XPO4: variants seen among roughly 807,000 people sequenced by gnomAD.
The protein encoded by XPO4 is exportin 4.
A neutral mutation model predicts 143.0 loss-of-function variants in XPO4; 39 were observed. The ratio of observed to expected loss-of-function variants is 0.27; its 90% CI spans 0.21 to 0.36. The LOEUF (loss-of-function observed/expected upper bound fraction) is 0.36. Among genes scored for constraint, XPO4 ranks in the 10% least tolerant of loss-of-function variants. The probability of loss-of-function intolerance (pLI) is 1.00; values close to 1 mark genes in which losing one functional copy is unlikely to be tolerated. For synonymous variants in XPO4, 439 were observed against 474.0 expected (o/e 0.93, Z 0.96); for missense variants, 907 against 1,348.0 (o/e 0.67, Z 5.12).
chr13:20,873,691 C>T (rs964683407), intron 1 of XPO4, among the ~76,000 whole-genome samples: 18 of 152,222 alleles, frequency 1.2e-4, no homozygotes, highest in Admixed American at 1.0e-3. Flanking sequence ...AGTGCAGTGG[C>T]ACAATCTCGG....
At chr13:20,885,662 C>T (rs975653351) in intron 1 of XPO4, among the ~76,000 whole-genome samples, 1 of 152,118 alleles carries the variant, frequency 6.6e-6, no homozygotes, top group Non-Finnish European at 1.5e-5. Context: ...AAAAAGTCCT[C>T]ATGCAATGGC....
At position 20,866,078 on chromosome 13, in the gene XPO4, T is replaced by C. The variant is rs1268346548; in HGVS notation, c.175+2518A>G. On this transcript the variant is annotated intron_variant, in intron 2 of 22. Coordinates refer to ENST00000255305, the MANE Select transcript of XPO4 (RefSeq NM_022459.5). ...GAAGTAAGCCAATCCCTCACAGTTC[T>C]TGATTATTTCTTTAACAAGAACAGA... The C allele has an allele frequency of 8.1e-6, 8 of 985,324 alleles. No homozygotes were observed. In the South Asian group the frequency reaches 2.8e-4, roughly 35 times the overall value. 61.0% of individuals were successfully genotyped at this position (985,324 alleles called of 1,614,324 possible).
intron 1 of XPO4, chr13:20,902,433 C>A (rs925737586): frequency 4.1e-6 from 4 of 985,322 alleles, no homozygotes; most frequent in East Asian, 1.1e-4. Flanking sequence ...TATATTCCCA[C>A]GCCCGACTGG....
chr13:20,829,269 C>T lies in XPO4; in HGVS notation c.728-2090G>A, dbSNP rs191421977. Among the ~76,000 whole-genome samples the T allele has an allele frequency of 7.9e-5, 12 of 152,196 alleles. No homozygotes were observed. The South Asian group carries it at 1.2e-3, about 16-fold the overall frequency. ...CAGCACACCTGGCCAATTCTTCATA[C>T]TTCATAAAAATTTAAATGTATTTCA... On this transcript the variant is annotated intron_variant, in intron 6 of 22. Coordinates refer to ENST00000255305, the MANE Select transcript of XPO4 (RefSeq NM_022459.5).
intron 1 of XPO4, chr13:20,902,080 A>G (rs2060625276): frequency 1.0e-6 from 1 of 985,272 alleles, no homozygotes. Context: ...TTAGCACTAG[A>G]CCAAGTTTTG....
intron 6 of XPO4, among the ~76,000 whole-genome samples, chr13:20,840,094 C>T (rs1323704222): frequency 1.3e-5 from 2 of 152,034 alleles, no homozygotes; most frequent in African/African-American, 4.8e-5. Context: ...GATAATTTAA[C>T]ACAGCCTCAT....
intron 13 of XPO4, among the ~76,000 whole-genome samples, chr13:20,804,669 A>AT (rs1226720883): frequency 6.6e-6 from 1 of 152,182 alleles, no homozygotes; most frequent in Non-Finnish European, 1.5e-5. Flanking sequence ...AGTTGTTGAT[A>AT]TTCCAAGATT....
At chr13:20,881,351 C>T (rs997468805) in intron 1 of XPO4, among the ~76,000 whole-genome samples, 15 of 152,160 alleles carry the variant, frequency 9.9e-5, no homozygotes, top group African/African-American at 3.4e-4. Flanking sequence ...TCACTGCAAG[C>T]GCCACCTCCC....
At chr13:20,804,140 C>CTA (rs71087101) in intron 13 of XPO4, among the ~76,000 whole-genome samples, 44,445 of 149,146 alleles carry the variant, frequency 0.3, 8,350 homozygotes, top group East Asian at 0.8. Flanking sequence ...TATACATACA[C>CTA]TATATATATA....
At chr13:20,870,488 T>A (rs1022302447) in intron 1 of XPO4, among the ~76,000 whole-genome samples, 1 of 151,352 alleles carries the variant, frequency 6.6e-6, no homozygotes, top group South Asian at 2.1e-4. Flanking sequence ...CGGTGGCTCA[T>A]GCCCGTAATC....
Position 20,892,019 on chromosome 13 carries a change from T to A in XPO4, c.69+10651A>T, listed in dbSNP as rs2060522644. On this transcript the variant is annotated intron_variant, in intron 1 of 22. Coordinates refer to ENST00000255305, the MANE Select transcript of XPO4 (RefSeq NM_022459.5). Reference sequence around the variant, plus strand: ...ATCAAAACCACAAATCTGACAAGTTTTTTTTTGTTTTGTTTTGTTTTTTTT... The same window carrying A: ...ATCAAAACCACAAATCTGACAAGTTATTTTTTGTTTTGTTTTGTTTTTTTT... Among the ~76,000 whole-genome samples the A allele has an allele frequency of 2.0e-5, 3 of 148,068 alleles. No homozygotes were observed. In the South Asian group the frequency reaches 6.9e-4, roughly 34 times the overall value.
rs1471364539 is a variant in XPO4, at chr13:20,782,271, C to T, written c.*1451G>A. On this transcript the variant is annotated 3_prime_UTR_variant, in exon 23 of 23. Coordinates refer to ENST00000255305, the MANE Select transcript of XPO4 (RefSeq NM_022459.5). Reference sequence around the variant, plus strand: ...ATAGGTGTCAGGAACATGGTGGAAGCAGAGTTTCATGAGTGCACCTGTGCC... The same window carrying T: ...ATAGGTGTCAGGAACATGGTGGAAGTAGAGTTTCATGAGTGCACCTGTGCC... 7 of 152,350 alleles carry T rather than the reference C, an allele frequency of 4.6e-5. No homozygotes were observed. The highest frequency in any genetic ancestry group is 1.9e-4 in the East Asian group (1 of 5,188). 9.4% of individuals were successfully genotyped at this position (152,350 alleles called of 1,614,324 possible). A position where few individuals can be genotyped will look rare whatever the true frequency, so the allele number is the denominator to read the frequency against.
intron 1 of XPO4, among the ~76,000 whole-genome samples, chr13:20,882,603 A>G (rs1175126200): frequency 6.6e-6 from 1 of 152,020 alleles, no homozygotes; most frequent in Non-Finnish European, 1.5e-5. Context: ...GTCTAGGAGA[A>G]TTGGCCAGGC....
intron 18 of XPO4, 55 bp from the exon 19 acceptor site, chr13:20,790,635 G>C (rs2059268088): frequency 2.2e-6 from 3 of 1,363,908 alleles, no homozygotes; most frequent in African/African-American, 1.4e-5. Context: ...AATCTTCCAA[G>C]TGTGTATTCT....
chr13:20,891,522 C>T (rs2060516109), intron 1 of XPO4, among the ~76,000 whole-genome samples: 1 of 152,114 alleles, frequency 6.6e-6, no homozygotes, highest in South Asian at 2.1e-4. Flanking sequence ...TATCTTTGCA[C>T]TAACTCCCTG....
chr13:20,783,717 GTTGT>G lies in XPO4; in HGVS notation c.*1_*4del, dbSNP rs767740466. 26 of 1,613,690 alleles carry G rather than the reference GTTGT, an allele frequency of 1.6e-5. No homozygotes were observed. The highest frequency in any genetic ancestry group is 2.1e-5 in the Non-Finnish European group (25 of 1,179,694). On this transcript the variant is annotated 3_prime_UTR_variant, in exon 23 of 23. Transcript: ENST00000255305. ...GGATCTAAATTAAGCATAAAGTTCT[GTTGT>G]TTATTTTACACAAAGGAGACCACCA...
chr13:20,873,426 C>T (rs1302309960), intron 1 of XPO4, among the ~76,000 whole-genome samples: 1 of 152,090 alleles, frequency 6.6e-6, no homozygotes. Context: ...AGCACCATGC[C>T]AGAAACTAGG....
intron 1 of XPO4, among the ~76,000 whole-genome samples, chr13:20,884,370 C>G (rs192672137): frequency 2.0e-5 from 3 of 152,200 alleles, no homozygotes; most frequent in African/African-American, 7.2e-5. Flanking sequence ...GGGTGAGACC[C>G]TGTCTCTTAA....
At chr13:20,864,980 T>C (rs1297754178) in intron 2 of XPO4, among the ~76,000 whole-genome samples, 1 of 152,158 alleles carries the variant, frequency 6.6e-6, no homozygotes, top group Non-Finnish European at 1.5e-5. Flanking sequence ...ATTTAACTTA[T>C]ACATAGTAGA....
Sources: allele counts gnomAD v4.1 joint callset (sites outside exome capture counted in the v4.1 genomes callset), GRCh38; gene constraint gnomAD v4.1.1; transcripts MANE v1.5; gene names NCBI Gene and HGNC (gene_info 2026-07-23, HGNC 2026-07-21).